The following MAF variants were observed in gnomAD, a reference collection of about 807,000 sequenced individuals.
The protein encoded by MAF is MAF bZIP transcription factor, also known as transcription factor Maf.
In MAF, 10 loss-of-function variants were observed where a neutral mutation model predicts 22.0. That is an observed-to-expected ratio of 0.45 (90% CI 0.28 to 0.77). The LOEUF (loss-of-function observed/expected upper bound fraction) is 0.77, where lower values mean the gene tolerates loss of function less well. Ranked by LOEUF, MAF falls within the 30% of genes least tolerant of loss-of-function variation. MAF has a pLI of 0.12. For missense variants in MAF, 544 were observed against 548.4 expected (o/e 0.99, Z 0.08); for synonymous variants, 337 against 255.8 (o/e 1.32, Z -3.03).
the MAF span, among the ~76,000 whole-genome samples, chr16:79,471,869 G>T: frequency 6.6e-6 from 1 of 152,118 alleles, no homozygotes; most frequent in Non-Finnish European, 1.5e-5. Flanking sequence ...ATTGTTAGAA[G>T]AAAAAACTTT....
chr16:79,406,204 C>G, the MAF span, among the ~76,000 whole-genome samples: 2 of 152,198 alleles, frequency 1.3e-5, no homozygotes, highest in Admixed American at 1.3e-4. Context: ...TTCCCAGGAT[C>G]TCCTTCCAAG....
chr16:79,548,863 T>G, the MAF span, among the ~76,000 whole-genome samples: 7 of 152,276 alleles, frequency 4.6e-5, no homozygotes, highest in East Asian at 1.4e-3. Flanking sequence ...AAGTCTTCTC[T>G]TCTTGCCTCT....
the MAF span, among the ~76,000 whole-genome samples, chr16:79,216,357 A>G: frequency 3.3e-5 from 5 of 152,220 alleles, no homozygotes; most frequent in African/African-American, 4.8e-5. Flanking sequence ...TTGCATATAT[A>G]TGTGTATATT....
At chr16:79,556,538 G>T in the MAF span, among the ~76,000 whole-genome samples, 1 of 152,288 alleles carries the variant, frequency 6.6e-6, no homozygotes, top group Admixed American at 6.5e-5. Flanking sequence ...TGTGTTAAAA[G>T]GATTGGACCC....
At chr16:79,267,006 T>C in the MAF span, among the ~76,000 whole-genome samples, 1 of 152,322 alleles carries the variant, frequency 6.6e-6, no homozygotes, top group Admixed American at 6.5e-5. Context: ...GTTGAATGAA[T>C]GAGTTACCAT....
chr16:79,598,061 C>A, intron 1 of MAF: 3 of 1,043,760 alleles, frequency 2.9e-6, no homozygotes, highest in African/African-American at 1.7e-5. Flanking sequence ...AAAAAAAAAC[C>A]CGATGGAACT....
the MAF span, among the ~76,000 whole-genome samples, chr16:79,219,188 GCT>G: frequency 2.0e-5 from 3 of 152,276 alleles, no homozygotes; most frequent in Non-Finnish European, 2.9e-5. Flanking sequence ...GATGAGGGAG[GCT>G]CTGTGTCTTC....
At chr16:79,445,530 G>A in the MAF span, among the ~76,000 whole-genome samples, 1 of 152,202 alleles carries the variant, frequency 6.6e-6, no homozygotes, top group African/African-American at 2.4e-5. Flanking sequence ...AAGGCTGTAA[G>A]TCCAGAGTTC....
chr16:79,346,779 G>A, the MAF span, among the ~76,000 whole-genome samples: 2 of 152,174 alleles, frequency 1.3e-5, no homozygotes, highest in Non-Finnish European at 2.9e-5. Flanking sequence ...GGGGCATCAC[G>A]TAGAGATCTA....
chr16:79,574,503 T>C, the MAF span, among the ~76,000 whole-genome samples: 1 of 152,140 alleles, frequency 6.6e-6, no homozygotes, highest in Non-Finnish European at 1.5e-5. Context: ...CTCAAAATCG[T>C]CTATGCATCT....
the MAF span, among the ~76,000 whole-genome samples, chr16:79,258,408 C>A: frequency 6.6e-6 from 1 of 152,320 alleles, no homozygotes; most frequent in South Asian, 2.1e-4. Context: ...CGGACATGGG[C>A]TGACAAATGG....
At chr16:79,222,292 G>C in the MAF span, among the ~76,000 whole-genome samples, 7 of 152,086 alleles carry the variant, frequency 4.6e-5, no homozygotes, top group Non-Finnish European at 1.0e-4. Flanking sequence ...AATTCTGAGC[G>C]ATTTTATCAC....
chr16:79,212,390 C>CAAAGT, the MAF span: 4 of 466,068 alleles, frequency 8.6e-6, no homozygotes, highest in Non-Finnish European at 1.5e-5. Flanking sequence ...TACCAGGTGG[C>CAAAGT]AAAGTACTTG....
chr16:79,541,982 A>T, the MAF span, among the ~76,000 whole-genome samples: 1 of 152,124 alleles, frequency 6.6e-6, no homozygotes, highest in East Asian at 1.9e-4. Context: ...ATGATTAAAA[A>T]ACAGGTTCAG....
the MAF span, among the ~76,000 whole-genome samples, chr16:79,316,080 T>C: frequency 1.6e-4 from 25 of 152,238 alleles, no homozygotes; most frequent in African/African-American, 5.8e-4. Flanking sequence ...TGCATAACCT[T>C]ATTATGCAAA....
At chr16:79,450,039 G>C in the MAF span, among the ~76,000 whole-genome samples, 5 of 152,164 alleles carry the variant, frequency 3.3e-5, no homozygotes, top group Admixed American at 6.5e-5. Context: ...TGAAAAATCT[G>C]AGGGAAACCC....
the MAF span, chr16:79,203,221 G>A: frequency 2.6e-5 from 4 of 152,200 alleles, no homozygotes; most frequent in East Asian, 1.9e-4. Flanking sequence ...AATTATGGAA[G>A]TAATATAAAT....
chr16:79,209,758 C>G, the MAF span, among the ~76,000 whole-genome samples: 1 of 152,210 alleles, frequency 6.6e-6, no homozygotes, highest in Non-Finnish European at 1.5e-5. Context: ...TTTAGAGGCA[C>G]TTCTGCTTCC....
the MAF span, among the ~76,000 whole-genome samples, chr16:79,294,191 G>T: frequency 6.6e-6 from 1 of 152,134 alleles, no homozygotes; most frequent in Non-Finnish European, 1.5e-5. Flanking sequence ...GTCATTCTTT[G>T]AATATCAAGA....
Sources: allele counts gnomAD v4.1 joint callset (sites outside exome capture counted in the v4.1 genomes callset), GRCh38; gene constraint gnomAD v4.1.1; transcripts MANE v1.5; gene names NCBI Gene and HGNC (gene_info 2026-07-23, HGNC 2026-07-21).